The following SH3GL3 variants were observed in gnomAD, a reference collection of about 807,000 sequenced individuals.
The protein encoded by SH3GL3 is SH3 domain containing GRB2 like 3, endophilin A3.
In SH3GL3, 33 loss-of-function variants were observed where a neutral mutation model predicts 47.7. The ratio of observed to expected loss-of-function variants is 0.69; its 90% CI spans 0.52 to 0.92. SH3GL3 has a LOEUF of 0.92. Ranked by LOEUF, SH3GL3 falls within the 40% of genes least tolerant of loss-of-function variation. The pLI is 0.00. For missense variants in SH3GL3, 363 were observed against 417.8 expected, an observed-to-expected ratio of 0.87 and a Z score of 1.14; for synonymous variants, 155 against 148.8, an observed-to-expected ratio of 1.04 and a Z score of -0.30.
chr15:83,511,178 C>T (rs1040007099), intron 1 of SH3GL3, among the ~76,000 whole-genome samples: 5 of 151,796 alleles, frequency 3.3e-5, no homozygotes, highest in African/African-American at 9.7e-5. Context: ...ATCGGAAGAA[C>T]GGATTAAATA....
chr15:83,608,875 G>A (rs1290811616), intron 8 of SH3GL3, among the ~76,000 whole-genome samples: 1 of 151,972 alleles, frequency 6.6e-6, no homozygotes, highest in African/African-American at 2.4e-5. Flanking sequence ...TCCTGACTGG[G>A]GCATGGACTC....
intron 1 of SH3GL3, among the ~76,000 whole-genome samples, chr15:83,487,684 G>T (rs2041668703): frequency 6.6e-6 from 1 of 152,070 alleles, no homozygotes; most frequent in Non-Finnish European, 1.5e-5. Context: ...CTGGCCATTT[G>T]CAGTGTACCA....
At chr15:83,450,649 CA>C (rs1368620213) in intron 1 of SH3GL3, among the ~76,000 whole-genome samples, 1 of 138,986 alleles carries the variant, frequency 7.2e-6, no homozygotes, top group Admixed American at 7.3e-5. Flanking sequence ...TATAAGTTAA[CA>C]AAAAAATTTA....
At chr15:83,505,490 C>G (rs1212368952) in intron 1 of SH3GL3, among the ~76,000 whole-genome samples, 3 of 147,140 alleles carry the variant, frequency 2.0e-5, no homozygotes, top group African/African-American at 7.5e-5. Flanking sequence ...AGGTTGTGCA[C>G]TCTTTCATTT....
chr15:83,583,390 T>TAGA (rs949893439), intron 6 of SH3GL3, among the ~76,000 whole-genome samples: 3 of 152,194 alleles, frequency 2.0e-5, no homozygotes, highest in African/African-American at 7.2e-5. Flanking sequence ...ATAGTCCTCT[T>TAGA]GCAGAGTTGG....
intron 1 of SH3GL3, among the ~76,000 whole-genome samples, chr15:83,459,020 G>T (rs1410563772): frequency 6.6e-6 from 1 of 152,230 alleles, no homozygotes; most frequent in Non-Finnish European, 1.5e-5. Context: ...TGACAGTGCA[G>T]CCTTCAGTCT....
chr15:83,502,815 G>A (rs1168313354), intron 1 of SH3GL3, among the ~76,000 whole-genome samples: 1 of 152,188 alleles, frequency 6.6e-6, no homozygotes, highest in Non-Finnish European at 1.5e-5. Context: ...TTTGCTAATT[G>A]TGTTTCTCCT....
intron 8 of SH3GL3, among the ~76,000 whole-genome samples, chr15:83,598,395 T>C (rs1291521663): frequency 2.0e-5 from 3 of 152,228 alleles, no homozygotes; most frequent in Non-Finnish European, 2.9e-5. Context: ...CTGCTTTCCA[T>C]CTTCCAGGCA....
At chr15:83,528,247 G>C (rs935968151) in intron 1 of SH3GL3, among the ~76,000 whole-genome samples, 1 of 152,052 alleles carries the variant, frequency 6.6e-6, no homozygotes, top group Admixed American at 6.6e-5. Flanking sequence ...TCTATCTTTG[G>C]CTTTTGACAG....
Position 83,618,265 on chromosome 15 carries a change from T to C in SH3GL3, c.1022T>C (p.Val341Ala). 1 of 1,608,300 alleles carries C rather than the reference T, an allele frequency of 6.2e-7. No homozygotes were observed. Among genetic ancestry groups the C allele is most frequent in the Non-Finnish European group, 8.5e-7 (1 of 1,174,640 alleles). The change falls in exon 9 of 9, where the codon GTG becomes GCG. Residue 341 changes from valine (V) to alanine (A), a missense_variant. Transcript: ENST00000427482. ...TTCTTCCCCATTAATTACGTGGAAGTGATCGTGCCTTTACCTCAGTAAATG... is the reference window on the plus strand; with the variant it reads ...TTCTTCCCCATTAATTACGTGGAAGCGATCGTGCCTTTACCTCAGTAAATG... Reference protein sequence around the residue: ...SGFFPINYVEVIVPLPQ With the variant: ...SGFFPINYVEAIVPLPQ
At chr15:83,589,676 C>CT (rs2060043909) in intron 8 of SH3GL3, among the ~76,000 whole-genome samples, 1 of 152,100 alleles carries the variant, frequency 6.6e-6, no homozygotes. Context: ...TGTACCCAGC[C>CT]TTTTTTCTGT....
intron 1 of SH3GL3, among the ~76,000 whole-genome samples, chr15:83,452,954 TA>T (rs1211866566): frequency 7.4e-5 from 5 of 67,430 alleles, no homozygotes; most frequent in African/African-American, 2.5e-4. Context: ...TTGTCATAGA[TA>T]GCTCTTATTA....
rs752670305 is a variant in SH3GL3, at chr15:83,618,101, C to T, written c.858C>T (p.Asp286=). 1.2e-6 allele frequency: 2 copies of T among 1,612,952 alleles called. No individual in the cohort carries two copies. The highest frequency in any genetic ancestry group is 1.1e-5 in the South Asian group (1 of 91,064). The part of the protein sequence containing the change: ...VKTTGSNIPM[D]QPCCRGLYDF... ...GGACAGGTTCTAACATTCCCATGGACCAGCCCTGCTGTCGTGGTCTCTATG... is the reference window on the plus strand; with the variant it reads ...GGACAGGTTCTAACATTCCCATGGATCAGCCCTGCTGTCGTGGTCTCTATG... Residue 286 remains aspartate, a synonymous_variant, in exon 9 of 9, where the codon GAC becomes GAT. Transcript: ENST00000427482.
intron 7 of SH3GL3, among the ~76,000 whole-genome samples, chr15:83,587,586 T>A (rs1487172977): frequency 6.7e-6 from 1 of 149,684 alleles, no homozygotes; most frequent in Non-Finnish European, 1.5e-5. Context: ...TTTCAGGATA[T>A]GTTCATAATA....
Position 83,576,728 on chromosome 15 carries a change from T to C in SH3GL3, c.611T>C (p.Phe204Ser). 1 of 1,602,252 alleles carries C rather than the reference T, an allele frequency of 6.2e-7. No individual in the cohort carries two copies. The stretch of plus-strand genomic sequence containing the variant: ...TTGGCTGAAAGAAGCATGTTTAACT[T>C]TTTAGAAAATGATGTAAGTATTTAA... ...KELAERSMFN[F>S]LENDVEQVSQ... Residue 204 changes from phenylalanine (F) to serine (S), a missense_variant, in exon 6 of 9, where the codon TTT (phenylalanine) becomes TCT (serine). Physicochemically the swap from Phe to Ser is radical, Grantham distance 155 (BLOSUM62 -2). Transcript: ENST00000427482.
intron 1 of SH3GL3, among the ~76,000 whole-genome samples, chr15:83,507,056 A>C (rs1200241287): frequency 6.6e-6 from 1 of 151,030 alleles, no homozygotes; most frequent in African/African-American, 2.4e-5. Flanking sequence ...CCCAGGCTGG[A>C]GTGCAGTGGC....
At chr15:83,514,124 C>T (rs559736500) in intron 1 of SH3GL3, among the ~76,000 whole-genome samples, 1 of 152,218 alleles carries the variant, frequency 6.6e-6, no homozygotes, top group African/African-American at 2.4e-5. Context: ...ATCTCAGTGC[C>T]TAGAGTTTGG....
At chr15:83,469,008 A>T (rs953621954) in intron 1 of SH3GL3, among the ~76,000 whole-genome samples, 1 of 152,124 alleles carries the variant, frequency 6.6e-6, no homozygotes, top group African/African-American at 2.4e-5. Flanking sequence ...TGTCCTTAAT[A>T]GTGATATAGT....
intron 2 of SH3GL3, among the ~76,000 whole-genome samples, chr15:83,562,701 C>A (rs1328309436): frequency 1.3e-5 from 2 of 152,096 alleles, no homozygotes; most frequent in African/African-American, 4.8e-5. Context: ...TAAGCAAATT[C>A]CCTTAGACAT....
Sources: gnomAD v4.1 joint callset for allele counts (sites outside exome capture counted in the v4.1 genomes callset) on GRCh38, gnomAD v4.1.1 for gene constraint, MANE v1.5 for transcripts, NCBI Gene and HGNC (gene_info 2026-07-23, HGNC 2026-07-21) for gene names.